Variants in MAPK6 observed in about 807,000 individuals in gnomAD.
MAPK6 encodes the protein mitogen-activated protein kinase 6, also known as ERK-3.
In MAPK6, 19 loss-of-function variants were observed where a neutral mutation model predicts 59.3. The observed-to-expected ratio is 0.32, with a 90% CI of 0.22 to 0.47. MAPK6 has a LOEUF of 0.47. MAPK6 is among the 20% of genes least tolerant of loss of function. The pLI is 1.00. For missense variants in MAPK6, 724 were observed against 847.9 expected, an observed-to-expected ratio of 0.85 and a Z score of 1.81; for synonymous variants, 316 against 290.3, an observed-to-expected ratio of 1.09 and a Z score of -0.90.
chr15:52,020,766 A>G lies in MAPK6; in HGVS notation c.-632+1390A>G, dbSNP rs142394969. ...GGTGAAAGGAACTTTGTCTTTAGAT[A>G]GTAGTTGTTCAAACATGTTTATGAA... On this transcript the variant is annotated intron_variant, in intron 1 of 5. Transcript: ENST00000261845. 5.2e-3 allele frequency among the ~76,000 whole-genome samples: 799 copies of G among 152,326 alleles called. 2 individuals carry two copies. Among genetic ancestry groups the G allele is most frequent in the Admixed American group, 0.01 (159 of 15,294 alleles).
chr15:52,064,172 C>T lies in MAPK6; in HGVS notation c.1338C>T (p.Tyr446=), dbSNP rs757035605. The part of the protein sequence containing the change: ...CDLECSHTCN[Y]KTRSSSYLDN... ...TGGAGTGTAGCCATACTTGTAACTA[C>T]AAAACGAGGTCATCATCATATTTAG... The change falls in exon 6 of 6, where the codon TAC becomes TAT. Residue 446 remains tyrosine (Y), a synonymous_variant. Coordinates refer to ENST00000261845, the MANE Select transcript of MAPK6 (RefSeq NM_002748.4). 1 of 1,612,978 alleles carries T rather than the reference C, an allele frequency of 6.2e-7. No individual in the cohort carries two copies. Among genetic ancestry groups the T allele is most frequent in the Admixed American group, 1.7e-5 (1 of 59,978 alleles).
chr15:52,053,567 C>G (rs1380905325), intron 3 of MAPK6, among the ~76,000 whole-genome samples: 1 of 150,146 alleles, frequency 6.7e-6, no homozygotes, highest in Non-Finnish European at 1.5e-5. Context: ...TTTTCCCTTT[C>G]TTTATAGTGT....
At chr15:52,054,947 C>A (rs1262246221) in intron 3 of MAPK6, among the ~76,000 whole-genome samples, 2 of 152,176 alleles carry the variant, frequency 1.3e-5, no homozygotes, top group African/African-American at 2.4e-5. Context: ...GCCACCACAC[C>A]CAGCTAACTT....
chr15:52,038,767 C>G (rs1458751166), intron 1 of MAPK6, among the ~76,000 whole-genome samples: 1 of 152,040 alleles, frequency 6.6e-6, no homozygotes, highest in Non-Finnish European at 1.5e-5. Context: ...GAAATGGGAT[C>G]AAGCGTTATT....
intron 2 of MAPK6, among the ~76,000 whole-genome samples, chr15:51,986,739 C>A (rs1219674977): frequency 6.6e-6 from 1 of 152,084 alleles, no homozygotes; most frequent in African/African-American, 2.4e-5. Context: ...AGAGCGAATT[C>A]TGTTTTCATT....
At position 52,064,671 on chromosome 15, in the gene MAPK6, G is replaced by A; in HGVS notation, c.1837G>A (p.Val613Ile). ...DCFFINQFCE[V>I]RKDEQVEKEN... ...TTTTTTCATAAATCAGTTTTGTGAG[G>A]TAAGGAAGGATGAACAAGTTGAGAA... The change falls in exon 6 of 6, where the codon GTA (valine) becomes ATA (isoleucine). Residue 613 changes from valine (V) to isoleucine (I), a missense_variant. Val to Ile is a conservative substitution (Grantham distance 29). Around this residue, in one of 4 missense-constraint regions of MAPK6, gnomAD observed 502 missense variants for 507.6 expected, o/e 0.99. Coordinates refer to ENST00000261845, the MANE Select transcript of MAPK6 (RefSeq NM_002748.4). 3.7e-6 allele frequency: 6 copies of A among 1,611,924 alleles called. No individual in the cohort carries two copies. Among genetic ancestry groups the A allele is most frequent in the Non-Finnish European group, 4.2e-6 (5 of 1,179,792 alleles).
At chr15:52,035,922 T>C (rs552844298) in intron 1 of MAPK6, among the ~76,000 whole-genome samples, 17 of 152,278 alleles carry the variant, frequency 1.1e-4, no homozygotes, top group South Asian at 6.2e-4. Flanking sequence ...ATTTTTTTTT[T>C]CCTTAAACTA....
chr15:51,971,911 G>A, intron 1 of MAPK6: 1 of 692,018 alleles, frequency 1.4e-6, no homozygotes, highest in East Asian at 2.7e-5. Context: ...GCCTGGGTAT[G>A]CATGGTATAT....
intron 2 of MAPK6, among the ~76,000 whole-genome samples, chr15:51,985,428 G>A (rs1446635283): frequency 2.0e-5 from 3 of 151,878 alleles, no homozygotes; most frequent in South Asian, 2.1e-4. Context: ...GCCGAGGTGG[G>A]CAGATCACTT....
At chr15:52,058,871 T>C in intron 4 of MAPK6, 74 bp downstream of exon 4, 1 of 1,300,972 alleles carries the variant, frequency 7.7e-7, no homozygotes, top group Non-Finnish European at 1.0e-6. Flanking sequence ...AAGCTGGAGC[T>C]TTTTATCCTT....
At position 52,049,999 on chromosome 15, in the gene MAPK6, C is replaced by G. The variant is rs1201035408; in HGVS notation, c.562C>G (p.Leu188Val). 6.2e-7 allele frequency: 1 copy of G among 1,610,830 alleles called. No individual in the cohort carries two copies. Among genetic ancestry groups the G allele is most frequent in the East Asian group, 2.2e-5 (1 of 44,880 alleles). ...TTTTTTGTTTCTTTTATAGGGTCAT[C>G]TTTCTGAAGGATTGGTTACTAAATG... ...MDPHYSHKGH[L>V]SEGLVTKWYR... Residue 188 changes from leucine (L) to valine (V), a missense_variant, in exon 3 of 6, where the codon CTT (leucine) becomes GTT (valine). Around this residue, in one of 4 missense-constraint regions of MAPK6, gnomAD observed 105 missense variants for 191.9 expected, o/e 0.55. Transcript: ENST00000261845.
chr15:51,992,328 G>A (rs1347049303), intron 2 of MAPK6, among the ~76,000 whole-genome samples: 2 of 119,932 alleles, frequency 1.7e-5, no homozygotes, highest in African/African-American at 7.0e-5. Flanking sequence ...TTGAGACAGA[G>A]TCTCGCACTC....
At chr15:52,039,242 C>T (rs961774952) in intron 1 of MAPK6, among the ~76,000 whole-genome samples, 2 of 152,094 alleles carry the variant, frequency 1.3e-5, no homozygotes, top group Admixed American at 6.6e-5. Context: ...GTGATCCACC[C>T]GCCTTGGCCT....
chr15:52,027,365 A>AAAAAAAAAAG (rs1209714501), intron 1 of MAPK6, among the ~76,000 whole-genome samples: 6 of 149,726 alleles, frequency 4.0e-5, no homozygotes, highest in African/African-American at 1.5e-4. Flanking sequence ...AAAAAAAAAA[A>AAAAAAAAAAG]AAAGAAAATG....
chr15:51,994,625 A>C (rs992282640), intron 2 of MAPK6, among the ~76,000 whole-genome samples: 1 of 152,204 alleles, frequency 6.6e-6, no homozygotes, highest in Non-Finnish European at 1.5e-5. Flanking sequence ...CTCACAAAAT[A>C]CTTAAGTACA....
At chr15:52,042,113 T>C (rs1410986338) in intron 1 of MAPK6, among the ~76,000 whole-genome samples, 1 of 152,176 alleles carries the variant, frequency 6.6e-6, no homozygotes, top group Non-Finnish European at 1.5e-5. Context: ...CGCAGCTTAC[T>C]AATTAAGGTG....
At position 52,046,936 on chromosome 15, in the gene MAPK6, T is replaced by G. The variant is rs1331949688; in HGVS notation, c.476T>G (p.Phe159Cys). The change falls in exon 2 of 6, where the codon TTC (phenylalanine) becomes TGC (cysteine). Residue 159 changes from phenylalanine (F) to cysteine (C), a missense_variant. By Grantham distance (205) the Phe-to-Cys change is radical. Around this residue, in one of 4 missense-constraint regions of MAPK6, gnomAD observed 105 missense variants for 191.9 expected, o/e 0.55. Transcript: ENST00000261845. Reference sequence around the variant, plus strand: ...AGAGATCTCAAACCAGCTAATCTTTTCATTAATACGGAAGACTTGGTGCTG... The same window carrying G: ...AGAGATCTCAAACCAGCTAATCTTTGCATTAATACGGAAGACTTGGTGCTG... ...LHRDLKPANL[F>C]INTEDLVLKI... The G allele has an allele frequency of 1.2e-6, 2 of 1,613,498 alleles. No individual in the cohort carries two copies. Among genetic ancestry groups the G allele is most frequent in the Non-Finnish European group, 1.7e-6 (2 of 1,179,774 alleles).
rs2032428476 is a variant in MAPK6 at position 52,066,618 on chromosome 15, G to T, written c.*1618G>T. The T allele has an allele frequency of 1.4e-5, 2 of 148,144 alleles. No individual in the cohort carries two copies. Among genetic ancestry groups the T allele is most frequent in the African/African-American group, 2.5e-5 (1 of 40,442 alleles). 9.2% of individuals were successfully genotyped at this position (148,144 alleles called of 1,614,324 possible). ...TACAACACCAATTCTATTAATATCT[G>T]CCCACCTACCTTCTCAACAACTCCA... On this transcript the variant is annotated 3_prime_UTR_variant, in exon 6 of 6. Transcript: ENST00000261845.
At chr15:52,004,044 C>A (rs996378132) in intron 2 of MAPK6, 1 of 152,212 alleles carries the variant, frequency 6.6e-6, no homozygotes, top group Non-Finnish European at 1.5e-5. Context: ...TCTCCCTTTT[C>A]CTTTTGTTCC....
Sources: allele counts gnomAD v4.1 joint callset (sites outside exome capture counted in the v4.1 genomes callset), GRCh38; gene constraint gnomAD v4.1.1; regional missense constraint gnomAD v4.1.1; transcripts MANE v1.5; gene names NCBI Gene and HGNC (gene_info 2026-07-23, HGNC 2026-07-21).